SNCAIP: variants seen among roughly 807,000 people sequenced by gnomAD.
SNCAIP encodes synuclein alpha interacting protein.
In SNCAIP, 43 loss-of-function variants were observed where a neutral mutation model predicts 86.7. The observed-to-expected ratio is 0.50, with a 90% CI of 0.39 to 0.64. The LOEUF is 0.64. SNCAIP is among the 30% of genes least tolerant of loss of function. SNCAIP has a pLI of 0.00. For missense variants in SNCAIP, 981 were observed against 1,103.1 expected (o/e 0.89, Z 1.57); for synonymous variants, 417 against 427.2 (o/e 0.98, Z 0.29).
chr5:122,460,123 CT>C (rs796994434), intron 10 of SNCAIP, among the ~76,000 whole-genome samples: 424 of 143,116 alleles, frequency 3.0e-3, no homozygotes, highest in Middle Eastern at 3.6e-3. Context: ...GTGGCAGATA[CT>C]TTTTTTTTTT....
At chr5:122,372,092 C>T (rs188275396) in intron 1 of SNCAIP, among the ~76,000 whole-genome samples, 54 of 152,282 alleles carry the variant, frequency 3.5e-4, no homozygotes, top group African/African-American at 1.2e-3. Flanking sequence ...TCTGCTTCCA[C>T]AGCCATAAAC....
At position 122,444,228 on chromosome 5, in the gene SNCAIP, C is replaced by T. The variant is rs1009622798; in HGVS notation, c.1423-335C>T. ...TCCAGTCTCCCCCTCTTACAGGCAT[C>T]TCTGACTATGAGTGATTCTCTTGGA... is the stretch of plus-strand genomic sequence containing the variant. On this transcript the variant is annotated intron_variant, in intron 7 of 10. Coordinates refer to ENST00000261368, the MANE Select transcript of SNCAIP (RefSeq NM_005460.4). 5 of 483,898 alleles carry T rather than the reference C, an allele frequency of 1.0e-5. No individual in the cohort carries two copies. The Admixed American group carries it at 1.2e-4, about 11-fold the overall frequency. The allele number at this position is 483,898 out of a possible 1,614,324, so 30.0% of individuals were successfully genotyped here. A position where few individuals can be genotyped will look rare whatever the true frequency, so the allele number is the denominator to read the frequency against.
At chr5:122,448,660 AT>A (rs200425901) in intron 8 of SNCAIP, among the ~76,000 whole-genome samples, 13,991 of 133,466 alleles carry the variant, frequency 0.1, 909 homozygotes, top group Non-Finnish European at 0.14. Flanking sequence ...TTTTATATAT[AT>A]TATATATATT....
At chr5:122,345,415 A>G (rs1163358234) in intron 1 of SNCAIP, among the ~76,000 whole-genome samples, 1 of 152,206 alleles carries the variant, frequency 6.6e-6, no homozygotes, top group East Asian at 1.9e-4. Flanking sequence ...AGGCTAGAGC[A>G]ATCCTAGGGC....
At chr5:122,384,150 A>G (rs967461336) in intron 1 of SNCAIP, among the ~76,000 whole-genome samples, 3 of 152,240 alleles carry the variant, frequency 2.0e-5, no homozygotes, top group East Asian at 1.9e-4. Flanking sequence ...AGACACACCC[A>G]TGATTCAGAG....
intron 3 of SNCAIP, among the ~76,000 whole-genome samples, chr5:122,417,313 G>A (rs1775508891): frequency 6.6e-6 from 1 of 152,146 alleles, no homozygotes; most frequent in African/African-American, 2.4e-5. Context: ...AGAAATTATA[G>A]TGTTTCATAG....
chr5:122,345,324 ATAGT>A (rs1474495436), intron 1 of SNCAIP, among the ~76,000 whole-genome samples: 3 of 152,192 alleles, frequency 2.0e-5, no homozygotes, highest in South Asian at 2.1e-4. Flanking sequence ...TACAGTCAAA[ATAGT>A]TAGTAAAAAT....
chr5:122,348,655 GCC>G (rs1436302409), intron 1 of SNCAIP, among the ~76,000 whole-genome samples: 3 of 152,050 alleles, frequency 2.0e-5, no homozygotes, highest in Non-Finnish European at 4.4e-5. Context: ...TTGAAAAATT[GCC>G]TGAGTCACAT....
intron 2 of SNCAIP, among the ~76,000 whole-genome samples, chr5:122,402,276 A>G (rs1365535860): frequency 2.6e-5 from 4 of 152,182 alleles, no homozygotes; most frequent in African/African-American, 9.7e-5. Context: ...GTACCTTATT[A>G]GTACCAAGAA....
At chr5:122,457,755 G>A (rs1785126632) in intron 10 of SNCAIP, among the ~76,000 whole-genome samples, 1 of 152,226 alleles carries the variant, frequency 6.6e-6, no homozygotes, top group African/African-American at 2.4e-5. Flanking sequence ...ACTTGGAGAA[G>A]AAGAGGAGGC....
rs117648490 is a variant in SNCAIP, at chr5:122,391,108, C to T, written c.-27C>T. 6.6e-5 allele frequency: 104 copies of T among 1,585,374 alleles called. No homozygotes were observed. Among genetic ancestry groups the T allele is most frequent in the East Asian group, 1.3e-4 (6 of 44,726 alleles). ...GTTCAGGAATTTATAAGTATTTGACCGTACTCAAAATGTGCAAGGAAGAAT... is the reference window on the plus strand; with the variant it reads ...GTTCAGGAATTTATAAGTATTTGACTGTACTCAAAATGTGCAAGGAAGAAT... On this transcript the variant is annotated 5_prime_UTR_variant, in exon 2 of 11. Transcript: ENST00000261368.
intron 3 of SNCAIP, among the ~76,000 whole-genome samples, chr5:122,415,811 A>T (rs1775191347): frequency 6.6e-6 from 1 of 152,188 alleles, no homozygotes; most frequent in Admixed American, 6.5e-5. Flanking sequence ...GTCCCTTGAA[A>T]TGTATCTCTC....
chr5:122,458,654 G>A (rs141110298), intron 10 of SNCAIP, among the ~76,000 whole-genome samples: 195 of 152,284 alleles, frequency 1.3e-3, no homozygotes, highest in African/African-American at 4.3e-3. Context: ...AGGACAGCGC[G>A]GATGGACAAT....
At chr5:122,358,067 A>C (rs1196365942) in intron 1 of SNCAIP, among the ~76,000 whole-genome samples, 1 of 152,006 alleles carries the variant, frequency 6.6e-6, no homozygotes, top group Non-Finnish European at 1.5e-5. Flanking sequence ...TTCAGGAAGA[A>C]TTGCCCTCAT....
intron 1 of SNCAIP, among the ~76,000 whole-genome samples, chr5:122,350,913 A>G (rs1042389224): frequency 6.6e-5 from 10 of 152,234 alleles, no homozygotes; most frequent in Non-Finnish European, 1.3e-4. Flanking sequence ...ACCAAAGACC[A>G]TATAAGGGCT....
chr5:122,455,415 A>G (rs527644691), intron 10 of SNCAIP, among the ~76,000 whole-genome samples: 49 of 152,340 alleles, frequency 3.2e-4, no homozygotes, highest in African/African-American at 1.2e-3. Context: ...GAAAGGAACT[A>G]AAGTGTTCAT....
At chr5:122,405,825 T>A (rs918867764) in intron 3 of SNCAIP, among the ~76,000 whole-genome samples, 1 of 152,184 alleles carries the variant, frequency 6.6e-6, no homozygotes, top group Admixed American at 6.5e-5. Flanking sequence ...TTCCATTCTC[T>A]CCAGGTCTTA....
rs776926477 is a variant in SNCAIP, at chr5:122,444,776, ATTG to A, written c.1592+49_1592+51del. On this transcript the variant is annotated intron_variant, in intron 8 of 10. Transcript: ENST00000261368. ...CCATGAGAACCAAGTCTAACTCATT[ATTG>A]TTGTACTTAGGCTTCAGCCCCATGC... 3.4e-5 allele frequency: 51 copies of A among 1,521,988 alleles called. No individual in the cohort carries two copies. The African/African-American group carries it at 6.3e-4, about 19-fold the overall frequency. 94.3% of individuals were successfully genotyped at this position (1,521,988 alleles called of 1,614,324 possible).
At chr5:122,333,969 G>T (rs911338304) in intron 1 of SNCAIP, among the ~76,000 whole-genome samples, 2 of 152,168 alleles carry the variant, frequency 1.3e-5, no homozygotes, top group African/African-American at 4.8e-5. Context: ...AGATGGGGGA[G>T]ATGGAGGCTA....
Sources: gnomAD v4.1 joint callset for allele counts (sites outside exome capture counted in the v4.1 genomes callset) on GRCh38, gnomAD v4.1.1 for gene constraint, MANE v1.5 for transcripts, NCBI Gene and HGNC (gene_info 2026-07-23, HGNC 2026-07-21) for gene names.